DLG2: variants seen among roughly 807,000 people sequenced by gnomAD.
DLG2 encodes discs large MAGUK scaffold protein 2.
Under a neutral mutation model 132.5 loss-of-function variants are expected in DLG2, and 45 were observed. That is an observed-to-expected ratio of 0.34 (90% CI 0.27 to 0.44). The LOEUF is 0.44. Among genes scored for constraint, DLG2 ranks in the 20% least tolerant of loss-of-function variants. The probability of loss-of-function intolerance (pLI) is 1.00; values close to 1 mark genes in which losing one functional copy is unlikely to be tolerated. For missense variants in DLG2, 1,045 were observed against 1,196.9 expected, an observed-to-expected ratio of 0.87 and a Z score of 1.87; for synonymous variants, 424 against 419.6, an observed-to-expected ratio of 1.01 and a Z score of -0.13.
intron 25 of DLG2, among the ~76,000 whole-genome samples, chr11:83,467,810 T>TACATACAC (rs2091395700): frequency 1.0e-5 from 1 of 96,312 alleles, no homozygotes; most frequent in African/African-American, 4.0e-5. Context: ...TATATATATA[T>TACATACAC]ACACACACAC....
chr11:85,178,521 A>C (rs1350034294), intron 4 of DLG2, among the ~76,000 whole-genome samples: 1 of 151,984 alleles, frequency 6.6e-6, no homozygotes, highest in Non-Finnish European at 1.5e-5. Context: ...TAGTAATCAG[A>C]ATGTAAATAT....
At chr11:84,313,977 G>T (rs991887707) in intron 7 of DLG2, among the ~76,000 whole-genome samples, 2 of 152,174 alleles carry the variant, frequency 1.3e-5, no homozygotes, top group Non-Finnish European at 2.9e-5. Flanking sequence ...AGGGACAGAA[G>T]CTGATTTTCA....
At chr11:85,216,921 C>A (rs1446970549) in intron 4 of DLG2, among the ~76,000 whole-genome samples, 2 of 152,054 alleles carry the variant, frequency 1.3e-5, no homozygotes, top group African/African-American at 4.8e-5. Context: ...GTCTTGAACT[C>A]CTGACCTCAT....
Position 83,682,720 on chromosome 11 carries a change from C to G in DLG2, c.1826-49395G>C, listed in dbSNP as rs1454570882. ...TCACAGTCTACCAAACACTTTCACT[C>G]TCACTGAGTCTCTCAGTGACTAAAG... On this transcript the variant is annotated intron_variant, in intron 18 of 27. Coordinates refer to ENST00000376104, the MANE Select transcript of DLG2 (RefSeq NM_001142699.3). 2.0e-5 allele frequency among the ~76,000 whole-genome samples: 3 copies of G among 152,262 alleles called. No individual in the cohort carries two copies. In the East Asian group the frequency reaches 5.8e-4, roughly 29 times the overall value.
In DLG2 at chr11:84,137,310, T is replaced by G. The variant is rs549718299; in HGVS notation, c.624+26151A>C. On this transcript the variant is annotated intron_variant, in intron 9 of 27. Transcript: ENST00000376104. ...TCTCCTTTTCTGGACTTTTTAAAAC[T>G]CACAACCATACTCTATCATTAAAGA... Among the ~76,000 whole-genome samples, 14 of 152,248 alleles carry G rather than the reference T, an allele frequency of 9.2e-5. 1 individual carries two copies. In the South Asian group the frequency reaches 1.9e-3, roughly 20 times the overall value.
At chr11:84,538,523 G>A (rs756835230) in intron 6 of DLG2, among the ~76,000 whole-genome samples, 2 of 152,006 alleles carry the variant, frequency 1.3e-5, no homozygotes, top group African/African-American at 4.8e-5. Flanking sequence ...AGTATCCAGC[G>A]AGATTAGCTT....
At chr11:83,687,860 G>A (rs752911736) in intron 18 of DLG2, among the ~76,000 whole-genome samples, 14 of 151,976 alleles carry the variant, frequency 9.2e-5, no homozygotes, top group Admixed American at 6.6e-4. Flanking sequence ...ATACCAGCTG[G>A]TCATGATGGC....
At chr11:83,668,630 C>G (rs549908019) in intron 18 of DLG2, among the ~76,000 whole-genome samples, 1 of 150,220 alleles carries the variant, frequency 6.7e-6, no homozygotes, top group South Asian at 2.1e-4. Flanking sequence ...TACACACACA[C>G]ATGTATATAT....
chr11:83,886,111 CTGT>C (rs758729065), intron 15 of DLG2, among the ~76,000 whole-genome samples: 389 of 152,248 alleles, frequency 2.6e-3, no homozygotes, highest in Middle Eastern at 0.01. Flanking sequence ...TTAACCTTAA[CTGT>C]AAGTGGACTA....
At chr11:85,285,623 A>G (rs750845921) in intron 3 of DLG2, among the ~76,000 whole-genome samples, 2 of 152,038 alleles carry the variant, frequency 1.3e-5, no homozygotes, top group Non-Finnish European at 2.9e-5. Context: ...GTAAATCCAT[A>G]TAATAGAATG....
intron 7 of DLG2, among the ~76,000 whole-genome samples, chr11:84,524,183 C>G (rs1038523126): frequency 2.0e-5 from 3 of 152,206 alleles, no homozygotes; most frequent in African/African-American, 7.2e-5. Context: ...TCAAAGCTGT[C>G]CTGAGTCACA....
chr11:84,465,185 C>T (rs1003406617), intron 7 of DLG2, among the ~76,000 whole-genome samples: 5 of 151,108 alleles, frequency 3.3e-5, no homozygotes, highest in African/African-American at 4.8e-5. Context: ...TTTTGTGCAA[C>T]GAACTGTGAT....
At chr11:84,217,366 T>C (rs1257152198) in intron 8 of DLG2, among the ~76,000 whole-genome samples, 1 of 152,166 alleles carries the variant, frequency 6.6e-6, no homozygotes, top group Non-Finnish European at 1.5e-5. Context: ...ATAAGTCTTA[T>C]TAGATCTGAT....
Position 83,833,545 on chromosome 11 carries a change from T to C in DLG2, c.1722+69A>G. The C allele has an allele frequency of 2.7e-6, 4 of 1,475,970 alleles. No homozygotes were observed. The Admixed American group carries it at 8.3e-5, about 31-fold the overall frequency. 91.4% of individuals were successfully genotyped at this position (1,475,970 alleles called of 1,614,324 possible). A position where few individuals can be genotyped will look rare whatever the true frequency, so the allele number is the denominator to read the frequency against. On this transcript the variant is annotated intron_variant, in intron 17 of 27. Coordinates refer to ENST00000376104, the MANE Select transcript of DLG2 (RefSeq NM_001142699.3). ...ATTAAGGTGCTTTTGGTATCATAAT[T>C]GAAAGTTATGACTTTTTCATTGATG...
At chr11:85,411,321 A>G (rs2089290615) in intron 3 of DLG2, among the ~76,000 whole-genome samples, 1 of 151,740 alleles carries the variant, frequency 6.6e-6, no homozygotes, top group African/African-American at 2.4e-5. Flanking sequence ...GAAGAGAGGA[A>G]ACATGGCATT....
chr11:84,685,269 T>A (rs1411077820), intron 6 of DLG2, among the ~76,000 whole-genome samples: 1 of 152,194 alleles, frequency 6.6e-6, no homozygotes, highest in Admixed American at 6.5e-5. Flanking sequence ...CATATTTGTG[T>A]CCTCAATGCC....
At chr11:84,067,658 T>C (rs560508886) in intron 10 of DLG2, among the ~76,000 whole-genome samples, 2 of 152,128 alleles carry the variant, frequency 1.3e-5, no homozygotes, top group Non-Finnish European at 2.9e-5. Context: ...TGTCTGCCTG[T>C]TATCTCACTC....
chr11:84,774,559 C>T (rs933937241), intron 6 of DLG2, among the ~76,000 whole-genome samples: 2 of 152,114 alleles, frequency 1.3e-5, no homozygotes, highest in Non-Finnish European at 2.9e-5. Flanking sequence ...TACTGTAAGG[C>T]TACATTAACC....
intron 3 of DLG2, among the ~76,000 whole-genome samples, chr11:85,479,309 A>T (rs1377182288): frequency 1.3e-5 from 2 of 152,202 alleles, no homozygotes; most frequent in Non-Finnish European, 2.9e-5. Flanking sequence ...CTTAGAAGAC[A>T]GCTGTCTTTT....
Sources: allele counts gnomAD v4.1 joint callset (sites outside exome capture counted in the v4.1 genomes callset), GRCh38; gene constraint gnomAD v4.1.1; transcripts MANE v1.5; gene names NCBI Gene and HGNC (gene_info 2026-07-23, HGNC 2026-07-21).